The following TJP2 variants were observed in gnomAD, a reference collection of about 807,000 sequenced individuals.
TJP2 encodes the protein tight junction protein 2, also known as Friedreich ataxia region gene X104 (tight junction protein ZO-2).
Under a neutral mutation model 133.1 loss-of-function variants are expected in TJP2, and 91 were observed. The observed-to-expected ratio is 0.68, with a 90% CI of 0.58 to 0.81. The LOEUF (loss-of-function observed/expected upper bound fraction) is 0.81, where lower values mean the gene tolerates loss of function less well. TJP2 is among the 40% of genes least tolerant of loss of function. TJP2 has a pLI of 0.00. For synonymous variants in TJP2, 592 were observed against 583.4 expected (o/e 1.01, Z -0.21); for missense variants, 1,541 against 1,565.6 (o/e 0.98, Z 0.26).
intron 1 of TJP2, among the ~76,000 whole-genome samples, chr9:69,141,977 G>T (rs548123108): frequency 6.6e-6 from 1 of 152,356 alleles, no homozygotes; most frequent in Admixed American, 6.5e-5. Context: ...TCAGTAACTT[G>T]TTCAAGGTCA....
At chr9:69,152,624 C>T (rs1823528406) in intron 2 of TJP2, among the ~76,000 whole-genome samples, 1 of 151,938 alleles carries the variant, frequency 6.6e-6, no homozygotes, top group African/African-American at 2.4e-5. Context: ...TCAGATCCTT[C>T]ATCTGTAAAA....
intron 20 of TJP2, among the ~76,000 whole-genome samples, chr9:69,250,831 T>C (rs1831276460): frequency 6.6e-6 from 1 of 152,208 alleles, no homozygotes; most frequent in African/African-American, 2.4e-5. Context: ...CTGACATTCC[T>C]AATAGACTAG....
intron 2 of TJP2, chr9:69,151,803 G>A (rs1823490282): frequency 8.1e-7 from 1 of 1,231,882 alleles, no homozygotes. Context: ...CATCAACCTA[G>A]TTACTGGTCT....
At position 69,218,532 on chromosome 9, in the gene TJP2, A is replaced by C. The variant is rs187409023; in HGVS notation, c.342+173A>C. The C allele has an allele frequency of 1.9e-4, 124 of 664,016 alleles. 1 individual carries two copies. In the East Asian group the frequency reaches 3.0e-3, roughly 16 times the overall value. 41.1% of individuals were successfully genotyped at this position (664,016 alleles called of 1,614,324 possible). A position where few individuals can be genotyped will look rare whatever the true frequency, so the allele number is the denominator to read the frequency against. ...GAAGATATGTGTAAGTTATCTTCCT[A>C]CTTTTCCTTGTGTCTTCTCCTGAGG... is the stretch of plus-strand genomic sequence containing the variant. On this transcript the variant is annotated intron_variant, in intron 4 of 22. Coordinates refer to ENST00000377245, the MANE Select transcript of TJP2 (RefSeq NM_004817.4).
chr9:69,189,217 G>A (rs549534463), intron 1 of TJP2, among the ~76,000 whole-genome samples: 13 of 152,276 alleles, frequency 8.5e-5, no homozygotes, highest in Middle Eastern at 3.4e-3. Flanking sequence ...GTTGGCCTCG[G>A]GACAGCCTGG....
Position 69,216,232 on chromosome 9 carries a change from AACAGTC to A in TJP2, c.115-106_115-101del, listed in dbSNP as rs1563919608. 2.2e-6 allele frequency: 3 copies of A among 1,361,884 alleles called. No homozygotes were observed. The African/African-American group carries it at 4.3e-5, about 20-fold the overall frequency. The allele number at this position is 1,361,884 out of a possible 1,614,324, so 84.4% of individuals were successfully genotyped here. A position where few individuals can be genotyped will look rare whatever the true frequency, so the allele number is the denominator to read the frequency against. ...GTTTCTGTAAGCCCATCTGTTCCTG[AACAGTC>A]TCTGGTTATTGATTTGACCTTTATT... On this transcript the variant is annotated intron_variant, in intron 2 of 22. Coordinates refer to ENST00000377245, the MANE Select transcript of TJP2 (RefSeq NM_004817.4).
rs920690938 is a variant in TJP2 at position 69,252,857 on chromosome 9, A to G, written c.3364A>G (p.Ile1122Val). Reference protein sequence around the residue: ...QKHPDIYAVPIKTHKPDPGTP... With the variant: ...QKHPDIYAVPVKTHKPDPGTP... ...GCATCCTGATATCTATGCAGTTCCA[A>G]TCAAAACGCACAAGCCAGACCCTGG... Residue 1122 changes from isoleucine (I) to valine (V), a missense_variant, in exon 22 of 23, where the codon ATC (isoleucine) becomes GTC (valine). By Grantham distance (29) the Ile-to-Val change is conservative. Coordinates refer to ENST00000377245, the MANE Select transcript of TJP2 (RefSeq NM_004817.4). 5.0e-6 allele frequency: 8 copies of G among 1,614,032 alleles called. No homozygotes were observed. Among genetic ancestry groups the G allele is most frequent in the Middle Eastern group, 1.6e-4 (1 of 6,084 alleles).
At chr9:69,176,872 A>C (rs1412514982) in intron 1 of TJP2, among the ~76,000 whole-genome samples, 1 of 152,260 alleles carries the variant, frequency 6.6e-6, no homozygotes, top group East Asian at 1.9e-4. Context: ...AGGCGGGGCC[A>C]CTTTAGTCCT....
intron 1 of TJP2, among the ~76,000 whole-genome samples, chr9:69,186,071 G>A (rs188532315): frequency 2.6e-5 from 4 of 152,046 alleles, no homozygotes; most frequent in Non-Finnish European, 2.9e-5. Flanking sequence ...CCCGGCCAAT[G>A]TAGTGGTTTT....
chr9:69,133,546 C>CTTTTTTTTTTTTTT (rs10577570), intron 1 of TJP2, among the ~76,000 whole-genome samples: 1 of 104,782 alleles, frequency 9.5e-6, no homozygotes, highest in African/African-American at 3.9e-5. Flanking sequence ...ATTTTTCTGG[C>CTTTTTTTTTTTTTT]TTTTTTTTTT....
chr9:69,229,201 GC>G lies in TJP2; in HGVS notation c.1475del (p.Pro492ArgfsTer22), dbSNP rs771734118. 6.2e-7 allele frequency: 1 copy of G among 1,614,104 alleles called. No homozygotes were observed. The highest frequency in any genetic ancestry group is 8.5e-7 in the Non-Finnish European group (1 of 1,179,998). On this transcript the variant is annotated frameshift_variant, in exon 10 of 23. Coordinates refer to ENST00000377245, the MANE Select transcript of TJP2 (RefSeq NM_004817.4). LOFTEE classifies it high-confidence loss of function. ...ACCTACAGCTCCTCAACCAAAAGCA[GC>G]CCCGAGAACTTTTCTTCGTCCTAGT... is the stretch of plus-strand genomic sequence containing the variant. ...EDPPAPQPKA[A>X]PRTFLRPSPE...
intron 16 of TJP2, 108 bp downstream of exon 16, chr9:69,238,897 T>TA (rs1830388492): frequency 9.6e-7 from 1 of 1,046,996 alleles, no homozygotes; most frequent in South Asian, 1.4e-5. Context: ...ATGTTAATAA[T>TA]AAAAAATTGG....
upstream of TJP2, among the ~76,000 whole-genome samples, chr9:69,170,713 G>A (rs1174639581): frequency 6.6e-6 from 1 of 152,150 alleles, no homozygotes; most frequent in Admixed American, 6.5e-5. Flanking sequence ...CCTGAAGTTT[G>A]TTCTTTCCTT....
chr9:69,245,108 G>A (rs1830832554), intron 17 of TJP2, among the ~76,000 whole-genome samples: 1 of 152,146 alleles, frequency 6.6e-6, no homozygotes, highest in Non-Finnish European at 1.5e-5. Context: ...TCTTTGCAGA[G>A]TACCATAATA....
chr9:69,179,762 G>A (rs960583262), intron 1 of TJP2, among the ~76,000 whole-genome samples: 1 of 152,108 alleles, frequency 6.6e-6, no homozygotes, highest in Non-Finnish European at 1.5e-5. Flanking sequence ...GCCTCCCAAA[G>A]TGCTGGGATT....
intron 1 of TJP2, among the ~76,000 whole-genome samples, chr9:69,193,060 C>T (rs931266175): frequency 7.2e-5 from 11 of 151,818 alleles, no homozygotes; most frequent in African/African-American, 1.5e-4. Context: ...GCACTACAGG[C>T]GTGCGCCACC....
At chr9:69,140,265 G>A (rs1309271588) in intron 1 of TJP2, among the ~76,000 whole-genome samples, 1 of 152,206 alleles carries the variant, frequency 6.6e-6, no homozygotes, top group Non-Finnish European at 1.5e-5. Context: ...GATGTTACAT[G>A]TGCTCAGTGC....
intron 5 of TJP2, among the ~76,000 whole-genome samples, chr9:69,224,034 A>G (rs1829124918): frequency 6.6e-6 from 1 of 152,230 alleles, no homozygotes; most frequent in South Asian, 2.1e-4. Flanking sequence ...TCTTAAAATA[A>G]TGTATTTTTA....
At chr9:69,132,001 G>A (rs573098416) in intron 1 of TJP2, among the ~76,000 whole-genome samples, 6 of 152,312 alleles carry the variant, frequency 3.9e-5, no homozygotes, top group East Asian at 1.9e-4. Flanking sequence ...GTACTGGAGC[G>A]AAGTCCAAGG....
Sources: gnomAD v4.1 joint callset for allele counts (sites outside exome capture counted in the v4.1 genomes callset) on GRCh38, gnomAD v4.1.1 for gene constraint, MANE v1.5 for transcripts, NCBI Gene and HGNC (gene_info 2026-07-23, HGNC 2026-07-21) for gene names.